MDGA2: variants seen among roughly 807,000 people sequenced by gnomAD.
MDGA2 encodes the protein MAM domain containing glycosylphosphatidylinositol anchor 2.
MDGA2 carries 40 observed loss-of-function variants against 117.8 expected under a neutral mutation model. That is an observed-to-expected ratio of 0.34 (90% CI 0.26 to 0.44). The LOEUF (loss-of-function observed/expected upper bound fraction) is 0.44. Among genes scored for constraint, MDGA2 ranks in the 20% least tolerant of loss-of-function variants. The pLI is 1.00. For missense variants in MDGA2, 1,123 were observed against 1,250.6 expected (o/e 0.90, Z 1.54); for synonymous variants, 452 against 439.0 (o/e 1.03, Z -0.37).
chr14:47,658,624 G>C (rs1374244440), intron 1 of MDGA2, among the ~76,000 whole-genome samples: 1 of 152,132 alleles, frequency 6.6e-6, no homozygotes, highest in African/African-American at 2.4e-5. Flanking sequence ...AACAAAAGCT[G>C]TCTAAGATGG....
intron 3 of MDGA2, among the ~76,000 whole-genome samples, chr14:47,192,240 T>G (rs1594710970): frequency 6.6e-6 from 1 of 152,150 alleles, no homozygotes; most frequent in Non-Finnish European, 1.5e-5. Context: ...GGCTCATGCC[T>G]GTAAGCCCAG....
intron 8 of MDGA2, among the ~76,000 whole-genome samples, chr14:46,989,324 A>AG (rs1286829347): frequency 4.8e-4 from 70 of 145,082 alleles, no homozygotes; most frequent in African/African-American, 1.9e-3. Context: ...CTGCACTGGA[A>AG]AAAAAAAAGG....
At chr14:47,446,758 G>T (rs955667927) in intron 1 of MDGA2, among the ~76,000 whole-genome samples, 3 of 151,940 alleles carry the variant, frequency 2.0e-5, no homozygotes, top group Non-Finnish European at 4.4e-5. Flanking sequence ...CCTAAGCCAG[G>T]GTATGTGGAT....
At chr14:47,341,284 C>T (rs1469955906) in intron 1 of MDGA2, among the ~76,000 whole-genome samples, 1 of 152,060 alleles carries the variant, frequency 6.6e-6, no homozygotes, top group Non-Finnish European at 1.5e-5. Context: ...ATAATATTCG[C>T]CATAAGAAAA....
In MDGA2 at chr14:47,003,081, T is replaced by C. The variant is rs568086632; in HGVS notation, c.1819+31930A>G. Among the ~76,000 whole-genome samples, 7 of 152,286 alleles carry C rather than the reference T, an allele frequency of 4.6e-5. No individual in the cohort carries two copies. In the South Asian group the frequency reaches 1.4e-3, roughly 32 times the overall value. ...ATTAGTTTGCATTTTCTAGAATTAA[T>C]GCAACTTGAATCAGACCATATGTAC... On this transcript the variant is annotated intron_variant, in intron 8 of 16. Coordinates refer to ENST00000399232, the MANE Select transcript of MDGA2 (RefSeq NM_001113498.3).
chr14:46,955,152 T>C (rs1053624986), intron 9 of MDGA2, among the ~76,000 whole-genome samples: 4 of 152,086 alleles, frequency 2.6e-5, no homozygotes, highest in African/African-American at 9.6e-5. Flanking sequence ...TTAAATCCTG[T>C]GCTATAATAT....
At chr14:47,209,864 AC>A (rs1885819140) in intron 3 of MDGA2, among the ~76,000 whole-genome samples, 1 of 152,112 alleles carries the variant, frequency 6.6e-6, no homozygotes, top group Admixed American at 6.6e-5. Context: ...GACCTTCCAA[AC>A]CCAAGGCTGA....
At chr14:47,511,822 T>C (rs769742246) in intron 1 of MDGA2, among the ~76,000 whole-genome samples, 6 of 152,054 alleles carry the variant, frequency 3.9e-5, no homozygotes, top group East Asian at 1.9e-4. Context: ...TCTATCTTCA[T>C]TGAATTGAGG....
intron 7 of MDGA2, among the ~76,000 whole-genome samples, chr14:47,038,843 TA>T (rs1888956742): frequency 6.6e-6 from 1 of 151,070 alleles, no homozygotes; most frequent in African/African-American, 2.4e-5. Flanking sequence ...TCTGGAGGCT[TA>T]GGGGCTCAGG....
At chr14:47,007,408 T>TA (rs1887749957) in intron 8 of MDGA2, among the ~76,000 whole-genome samples, 1 of 151,804 alleles carries the variant, frequency 6.6e-6, no homozygotes, top group African/African-American at 2.4e-5. Flanking sequence ...GCTGTAGGGT[T>TA]TCATGCATCT....
At chr14:47,620,573 T>C (rs1398601606) in intron 1 of MDGA2, among the ~76,000 whole-genome samples, 6 of 152,236 alleles carry the variant, frequency 3.9e-5, no homozygotes, top group African/African-American at 1.2e-4. Context: ...GTTTCCCTAA[T>C]TGGGCCATAA....
intron 1 of MDGA2, among the ~76,000 whole-genome samples, chr14:47,525,684 A>T (rs953482445): frequency 6.6e-6 from 1 of 152,088 alleles, no homozygotes; most frequent in Non-Finnish European, 1.5e-5. Context: ...CACCGTCTCA[A>T]AAAATAAAAT....
At position 47,525,702 on chromosome 14, in the gene MDGA2, T is replaced by TA. The variant is rs534336188; in HGVS notation, c.280+148814dup. ...CGTCTCAAAAAATAAAATAAAATAATAAAAAAAAAGCTTAATTGATTTTAA... is the reference window on the plus strand; with the variant it reads ...CGTCTCAAAAAATAAAATAAAATAATAAAAAAAAAAGCTTAATTGATTTTAA... On this transcript the variant is annotated intron_variant, in intron 1 of 16. Coordinates refer to ENST00000399232, the MANE Select transcript of MDGA2 (RefSeq NM_001113498.3). Among the ~76,000 whole-genome samples, 26 of 148,650 alleles carry TA rather than the reference T, an allele frequency of 1.7e-4. No homozygotes were observed. The East Asian group carries it at 3.3e-3, about 19-fold the overall frequency.
At chr14:47,117,040 CCCAAAA>C (rs1881369954) in intron 5 of MDGA2, among the ~76,000 whole-genome samples, 1 of 151,174 alleles carries the variant, frequency 6.6e-6, no homozygotes. Context: ...TTAAGGAAAT[CCCAAAA>C]CTCAATAGCA....
At chr14:46,987,199 C>T (rs11851249) in intron 8 of MDGA2, among the ~76,000 whole-genome samples, 4,057 of 152,132 alleles carry the variant, frequency 0.027, 185 homozygotes, top group African/African-American at 0.092. Flanking sequence ...ATGATGAACA[C>T]TAATATGCCC....
intron 14 of MDGA2, among the ~76,000 whole-genome samples, chr14:46,859,192 G>A (rs780135697): frequency 2.0e-5 from 3 of 151,926 alleles, no homozygotes; most frequent in Non-Finnish European, 2.9e-5. Flanking sequence ...TCATTGTGCT[G>A]CCAGGGGTTT....
chr14:47,500,382 A>G (rs187292018), intron 1 of MDGA2, among the ~76,000 whole-genome samples: 5 of 152,264 alleles, frequency 3.3e-5, no homozygotes, highest in Admixed American at 6.5e-5. Flanking sequence ...CTACAAAAGA[A>G]CAGAAAGAAA....
intron 1 of MDGA2, among the ~76,000 whole-genome samples, chr14:47,528,868 C>G (rs183321865): frequency 2.0e-5 from 3 of 151,888 alleles, no homozygotes; most frequent in African/African-American, 7.3e-5. Flanking sequence ...ATCTACTACA[C>G]CAAGAAAATA....
At chr14:47,138,872 T>C (rs952604107) in intron 4 of MDGA2, among the ~76,000 whole-genome samples, 1 of 152,098 alleles carries the variant, frequency 6.6e-6, no homozygotes, top group Non-Finnish European at 1.5e-5. Flanking sequence ...TAATTATTCG[T>C]CTTAGAAATA....
Sources: gnomAD v4.1 joint callset for allele counts (sites outside exome capture counted in the v4.1 genomes callset) on GRCh38, gnomAD v4.1.1 for gene constraint, MANE v1.5 for transcripts, NCBI Gene and HGNC (gene_info 2026-07-23, HGNC 2026-07-21) for gene names.